The following MYO7B variants were observed in gnomAD, a reference collection of about 807,000 sequenced individuals.
The protein encoded by MYO7B is myosin VIIB.
In MYO7B, 212 loss-of-function variants were observed where a neutral mutation model predicts 259.7. The observed-to-expected ratio is 0.82, with a 90% confidence interval of 0.73 to 0.91. MYO7B has a LOEUF of 0.91. Ranked by LOEUF, MYO7B falls within the 40% of genes least tolerant of loss-of-function variation. The pLI is 0.00. For synonymous variants in MYO7B, 1,197 were observed against 1,166.4 expected (o/e 1.03, Z -0.54); for missense variants, 2,732 against 2,813.5 (o/e 0.97, Z 0.66).
At position 127,627,174 on chromosome 2, in the gene MYO7B, T is replaced by A. The variant is rs1472927776; in HGVS notation, c.4334-10T>A. On this transcript the variant is annotated splice_polypyrimidine_tract_variant and intron_variant, in intron 32 of 47. Coordinates refer to ENST00000409816, the MANE Select transcript of MYO7B (RefSeq NM_001393586.1). This position sits in a 1 kb window ranked among gnomAD's most constrained non-coding sequence, Gnocchi z 5.6. The stretch of plus-strand genomic sequence containing the variant: ...CATGCAGCCTTCACACTGCCGTCTC[T>A]CCTGGCCAGGCCCCCGCCTGCCCAA... 6.2e-7 allele frequency: 1 copy of A among 1,605,988 alleles called. No individual in the cohort carries two copies. Among genetic ancestry groups the A allele is most frequent in the East Asian group, 2.2e-5 (1 of 44,644 alleles).
intron 9 of MYO7B, among the ~76,000 whole-genome samples, chr2:127,579,793 T>C (rs557277945): frequency 1.4e-4 from 21 of 152,254 alleles, no homozygotes; most frequent in African/African-American, 4.6e-4. Flanking sequence ...ACCATATTGG[T>C]CAGGCTGGTC....
At chr2:127,544,928 T>C (rs1408485389) in intron 1 of MYO7B, among the ~76,000 whole-genome samples, 2 of 151,760 alleles carry the variant, frequency 1.3e-5, no homozygotes, top group African/African-American at 4.9e-5. Flanking sequence ...GGTTTCACTG[T>C]GTTAGCCAGG....
At chr2:127,633,209 T>A in intron 39 of MYO7B, 49 bp from the exon 40 acceptor site, 1 of 1,430,288 alleles carries the variant, frequency 7.0e-7, no homozygotes, top group East Asian at 2.4e-5. Context: ...GGGGCATGGG[T>A]GAGGATGAGG....
chr2:127,637,033 G>A (rs762858848), intron 47 of MYO7B, 120 bp downstream of exon 47: 70 of 1,489,092 alleles, frequency 4.7e-5, no homozygotes, highest in Middle Eastern at 3.4e-4. Context: ...GGGCCCAGGC[G>A]GGGCCAGCAG....
intron 1 of MYO7B, among the ~76,000 whole-genome samples, chr2:127,547,692 A>G (rs1243709632): frequency 2.0e-5 from 3 of 152,214 alleles, no homozygotes; most frequent in African/African-American, 7.2e-5. Flanking sequence ...GTCCAGCAGC[A>G]GCAAGGCCAC....
chr2:127,627,958 T>C lies in MYO7B; in HGVS notation c.4461-414T>C, dbSNP rs974444929. 3 of 463,120 alleles carry C rather than the reference T, an allele frequency of 6.5e-6. No individual in the cohort carries two copies. Among genetic ancestry groups the C allele is most frequent in the Non-Finnish European group, 1.3e-5 (3 of 231,808 alleles). 28.7% of individuals were successfully genotyped at this position (463,120 alleles called of 1,614,324 possible). A position where few individuals can be genotyped will look rare whatever the true frequency, so the allele number is the denominator to read the frequency against. ...GCTGACCATGCTGGGCACTTTCCTG[T>C]ATGCCACGAAGTACCGACAGCATCA... On this transcript the variant is annotated intron_variant, in intron 33 of 47. Transcript: ENST00000409816. The surrounding 1 kb of genome is among the most constrained non-coding windows in gnomAD (Gnocchi z 5.6).
chr2:127,630,963 A>T (rs1221165818), intron 36 of MYO7B, 55 bp downstream of exon 36: 14 of 1,440,454 alleles, frequency 9.7e-6, no homozygotes, highest in Non-Finnish European at 1.3e-5. Flanking sequence ...GCCCCACCTC[A>T]CCTCATTGCA....
In MYO7B at chr2:127,631,218, G is replaced by A; in HGVS notation, c.4950G>A (p.Lys1650=). The A allele has an allele frequency of 1.2e-6, 2 of 1,603,480 alleles. No individual in the cohort carries two copies. Among genetic ancestry groups the A allele is most frequent in the South Asian group, 1.1e-5 (1 of 90,474 alleles). ...TCTAACCTCACAGGGCTCCAGAGAAGGACATGGTGAGCATGGCCGTGCTGC... is the reference window on the plus strand; with the variant it reads ...TCTAACCTCACAGGGCTCCAGAGAAAGACATGGTGAGCATGGCCGTGCTGC... ...FSYEFFRAPE[K]DMVSMAVLPL... The change falls in exon 37 of 48, where the codon AAG becomes AAA. Residue 1650 remains lysine (K), a synonymous_variant. Transcript: ENST00000409816.
At chr2:127,634,009 A>G (rs1384155229) in intron 40 of MYO7B, among the ~76,000 whole-genome samples, 167 bp from the exon 41 acceptor site, 1 of 152,180 alleles carries the variant, frequency 6.6e-6, no homozygotes, top group Non-Finnish European at 1.5e-5. Flanking sequence ...ACTAAACAAC[A>G]TGAACCTCTG....
Position 127,581,958 on chromosome 2 carries a change from C to G in MYO7B, c.1148C>G (p.Thr383Ser). The G allele has an allele frequency of 6.2e-7, 1 of 1,613,954 alleles. No individual in the cohort carries two copies. The highest frequency in any genetic ancestry group is 1.3e-5 in the African/African-American group (1 of 75,070). Residue 383 changes from threonine to serine, a missense_variant, in exon 11 of 48, where the codon ACC becomes AGC. Thr to Ser is a moderately conservative substitution (Grantham distance 58, BLOSUM62 1). Around this residue, in one of 3 missense-constraint regions of MYO7B, gnomAD observed 1,906 missense variants for 2,026.4 expected, o/e 0.94. Coordinates refer to ENST00000409816, the MANE Select transcript of MYO7B (RefSeq NM_001393586.1). ...ATCCTCATCCGAGGGGAATTTGTCACCAGGTCCCTGAACATTGCCCAGGCT... is the reference window on the plus strand; with the variant it reads ...ATCCTCATCCGAGGGGAATTTGTCAGCAGGTCCCTGAACATTGCCCAGGCT... ...HTILIRGEFV[T>S]RSLNIAQAAD...
chr2:127,581,654 G>C (rs867546645), intron 10 of MYO7B, among the ~76,000 whole-genome samples: 4 of 152,066 alleles, frequency 2.6e-5, no homozygotes, highest in South Asian at 2.1e-4. Flanking sequence ...AGGCCAGGCT[G>C]GGGGAGCCAG....
chr2:127,623,570 C>T (rs1352688797), intron 29 of MYO7B, among the ~76,000 whole-genome samples, 195 bp downstream of exon 29: 1 of 152,176 alleles, frequency 6.6e-6, no homozygotes, highest in Non-Finnish European at 1.5e-5. Context: ...TTTCCTCCCG[C>T]ACTCATATGG....
In MYO7B at chr2:127,622,025, C is replaced by T. The variant is rs1441139049; in HGVS notation, c.3569C>T (p.Pro1190Leu). The T allele has an allele frequency of 7.1e-6, 11 of 1,551,786 alleles. No individual in the cohort carries two copies. Among genetic ancestry groups the T allele is most frequent in the Non-Finnish European group, 7.8e-6 (9 of 1,147,002 alleles). Reference protein sequence around the residue: ...FIGQGPATYGPFCAERLRRTY... With the variant: ...FIGQGPATYGLFCAERLRRTY... ...GGCCAAGGGCCGGCGACCTACGGCC[C>T]CTTCTGTGCCGAGCGCCTGAGACGC... The change falls in exon 28 of 48, where the codon CCC becomes CTC. Residue 1190 changes from proline (P) to leucine (L), a missense_variant. This residue lies in a region of MYO7B where 1,906 missense variants were observed against 2,026.4 expected (regional missense o/e 0.94). Coordinates refer to ENST00000409816, the MANE Select transcript of MYO7B (RefSeq NM_001393586.1).
rs201685578 is a variant in MYO7B, at chr2:127,546,805, A to C, written c.-24+10974A>C. Among the ~76,000 whole-genome samples the C allele has an allele frequency of 5.3e-5, 7 of 132,270 alleles. No individual in the cohort carries two copies. Among genetic ancestry groups the C allele is most frequent in the Admixed American group, 2.2e-4 (3 of 13,902 alleles). 86.8% of individuals were successfully genotyped at this position (132,270 alleles called of 152,430 possible). A position where few individuals can be genotyped will look rare whatever the true frequency, so the allele number is the denominator to read the frequency against. On this transcript the variant is annotated intron_variant, in intron 1 of 47. Coordinates refer to ENST00000409816, the MANE Select transcript of MYO7B (RefSeq NM_001393586.1). This position sits in a 1 kb window ranked among gnomAD's most constrained non-coding sequence, Gnocchi z 4.2. ...CCATCCATCCATCCATCCATCCATC[A>C]ATCCATTCATCTGTTTGTTCATTCA... is the stretch of plus-strand genomic sequence containing the variant.
At chr2:127,558,684 A>G (rs527580360) in intron 1 of MYO7B, among the ~76,000 whole-genome samples, 28 of 152,312 alleles carry the variant, frequency 1.8e-4, no homozygotes, top group Non-Finnish European at 3.7e-4. Context: ...TATGATATAC[A>G]TATGTATGAT....
chr2:127,632,149 C>A, intron 38 of MYO7B, 97 bp from the exon 39 acceptor site: 1 of 1,418,884 alleles, frequency 7.0e-7, no homozygotes, highest in South Asian at 1.4e-5. Context: ...CCCTCTAGAC[C>A]CCAGGCAGCT....
Position 127,636,974 on chromosome 2 carries a change from T to C in MYO7B, c.6327+61T>C, listed in dbSNP as rs896522122. ...AGGACAGAGCTGCTGGAGACTGGGT[T>C]CCCCACCCTCACCCCTTTCAAGTGG... On this transcript the variant is annotated intron_variant, in intron 47 of 47. Coordinates refer to ENST00000409816, the MANE Select transcript of MYO7B (RefSeq NM_001393586.1). This position sits in a 1 kb window ranked among gnomAD's most constrained non-coding sequence, Gnocchi z 4.5. The C allele has an allele frequency of 2.6e-4, 414 of 1,595,936 alleles. No homozygotes were observed. The highest frequency in any genetic ancestry group is 1.6e-4 in the Middle Eastern group (1 of 6,072).
chr2:127,563,011 C>G (rs1678172043), intron 2 of MYO7B, among the ~76,000 whole-genome samples: 1 of 152,122 alleles, frequency 6.6e-6, no homozygotes, highest in Admixed American at 6.6e-5. Flanking sequence ...GTATGTTCTC[C>G]TGCTGTTTCC....
chr2:127,631,632 C>A lies in MYO7B; in HGVS notation c.5128C>A (p.Arg1710=), dbSNP rs772577347. 31 of 1,613,168 alleles carry A rather than the reference C, an allele frequency of 1.9e-5. No individual in the cohort carries two copies. Among genetic ancestry groups the A allele is most frequent in the Non-Finnish European group, 2.3e-5 (27 of 1,179,870 alleles). The change falls in exon 38 of 48, where the codon CGG becomes AGG. Residue 1710 remains arginine (R), a synonymous_variant. Transcript: ENST00000409816. ...CCGGTACATGGGCGACTACCCTTCT[C>A]GGCAGGCCTGGCCCACCCTGGAGCT... ...ILRYMGDYPS[R]QAWPTLELTD... is the part of the protein sequence containing the mutation.
Sources: allele counts gnomAD v4.1 joint callset (sites outside exome capture counted in the v4.1 genomes callset), GRCh38; gene constraint gnomAD v4.1.1; regional missense constraint gnomAD v4.1.1; non-coding constraint Gnocchi (gnomAD v3.1); transcripts MANE v1.5; gene names NCBI Gene and HGNC (gene_info 2026-07-23, HGNC 2026-07-21).